Variants in GABRB3 observed in about 807,000 individuals in gnomAD.
The protein encoded by GABRB3 is gamma-aminobutyric acid type A receptor subunit beta3.
GABRB3 carries 14 observed loss-of-function variants against 52.1 expected under a neutral mutation model. The observed-to-expected ratio is 0.27, with a 90% CI of 0.18 to 0.42. The LOEUF (loss-of-function observed/expected upper bound fraction) is 0.42. Among genes scored for constraint, GABRB3 ranks in the 10% least tolerant of loss-of-function variants. The pLI is 1.00. For synonymous variants in GABRB3, 260 were observed against 232.3 expected (o/e 1.12, Z -1.08); for missense variants, 307 against 609.1 (o/e 0.50, Z 5.22).
chr15:26,716,669 T>C (rs1889476259), intron 3 of GABRB3: 1 of 1,006,666 alleles, frequency 9.9e-7, no homozygotes, highest in Non-Finnish European at 1.2e-6. Context: ...CTCTTCTATT[T>C]CTTTAAGAAT....
At chr15:26,651,087 C>A (rs1887183189) in intron 3 of GABRB3, among the ~76,000 whole-genome samples, 2 of 152,232 alleles carry the variant, frequency 1.3e-5, no homozygotes. Context: ...GCCCTTTGCC[C>A]TCACTGACAG....
intron 3 of GABRB3, among the ~76,000 whole-genome samples, chr15:26,650,510 C>G (rs1373737503): frequency 6.6e-6 from 1 of 152,024 alleles, no homozygotes. Flanking sequence ...TTGATAGCAA[C>G]AGGAGGCAGC....
intron 3 of GABRB3, among the ~76,000 whole-genome samples, chr15:26,736,665 G>A (rs1014286561): frequency 1.3e-5 from 2 of 152,250 alleles, no homozygotes; most frequent in African/African-American, 4.8e-5. Flanking sequence ...GGTGCTGCAG[G>A]ACAGTGGATC....
chr15:26,740,446 A>G (rs1362585220), intron 3 of GABRB3, among the ~76,000 whole-genome samples: 1 of 152,044 alleles, frequency 6.6e-6, no homozygotes, highest in African/African-American at 2.4e-5. Flanking sequence ...CGCTGCAGTG[A>G]GGACCTGGGG....
intron 3 of GABRB3, among the ~76,000 whole-genome samples, chr15:26,710,707 AAT>A (rs1440572796): frequency 6.6e-6 from 1 of 152,192 alleles, no homozygotes; most frequent in African/African-American, 2.4e-5. Flanking sequence ...AATGCTTCCT[AAT>A]ACTTAGTATT....
intron 3 of GABRB3, among the ~76,000 whole-genome samples, chr15:26,683,821 A>G (rs74004643): frequency 0.015 from 2,325 of 152,266 alleles, 62 homozygotes; most frequent in African/African-American, 0.053. Flanking sequence ...TGGCTTGTGG[A>G]AAAGGAAAGA....
intron 3 of GABRB3, among the ~76,000 whole-genome samples, chr15:26,704,826 A>G (rs555149519): frequency 2.6e-4 from 40 of 152,240 alleles, no homozygotes; most frequent in Admixed American, 1.0e-3. Context: ...CAAAATAATC[A>G]TCACTGCCAA....
intron 4 of GABRB3, chr15:26,615,643 G>T: frequency 1.5e-6 from 1 of 660,608 alleles, no homozygotes; most frequent in Non-Finnish European, 2.0e-6. Context: ...ACAAACCTAC[G>T]TCACGGACAG....
chr15:26,721,314 A>G (rs751399931), intron 3 of GABRB3, among the ~76,000 whole-genome samples: 1 of 152,168 alleles, frequency 6.6e-6, no homozygotes, highest in Non-Finnish European at 1.5e-5. Context: ...GGAAACTTGC[A>G]TCTAAGAAGG....
intron 3 of GABRB3, among the ~76,000 whole-genome samples, chr15:26,654,841 C>T (rs1195352499): frequency 1.3e-5 from 2 of 151,842 alleles, no homozygotes; most frequent in Non-Finnish European, 2.9e-5. Flanking sequence ...TTTAGTTTTG[C>T]CTTTTTTGGA....
chr15:26,593,838 G>A (rs1395518668), intron 4 of GABRB3, among the ~76,000 whole-genome samples: 2 of 151,438 alleles, frequency 1.3e-5, no homozygotes, highest in Non-Finnish European at 2.9e-5. Context: ...TGGAATTGTG[G>A]ATCATATGTT....
chr15:26,634,233 A>C lies in GABRB3; in HGVS notation c.241-12699T>G, dbSNP rs140088262. Reference sequence around the variant, plus strand: ...CCTGGGATTTGGATGCATTGATCCCACTGCCTTCTGAACCTTTCCATCCAG... The same window carrying C: ...CCTGGGATTTGGATGCATTGATCCCCCTGCCTTCTGAACCTTTCCATCCAG... On this transcript the variant is annotated intron_variant, in intron 3 of 8. Transcript: ENST00000311550. 5.3e-3 allele frequency among the ~76,000 whole-genome samples: 812 copies of C among 152,176 alleles called. 5 individuals are homozygous for C. Among genetic ancestry groups the C allele is most frequent in the African/African-American group, 0.018 (756 of 41,520 alleles).
intron 3 of GABRB3, among the ~76,000 whole-genome samples, chr15:26,630,716 C>A (rs17560911): frequency 2.0e-5 from 3 of 152,000 alleles, no homozygotes; most frequent in Non-Finnish European, 2.9e-5. Context: ...TCATAAAGCC[C>A]TTTGATAATC....
chr15:26,689,467 A>G (rs1457721454), intron 3 of GABRB3, among the ~76,000 whole-genome samples: 1 of 152,192 alleles, frequency 6.6e-6, no homozygotes, highest in Admixed American at 6.5e-5. Context: ...GAGGTGGTCA[A>G]GTAAACATGT....
chr15:26,677,803 T>C (rs1173830948), intron 3 of GABRB3, among the ~76,000 whole-genome samples: 1 of 152,184 alleles, frequency 6.6e-6, no homozygotes, highest in African/African-American at 2.4e-5. Flanking sequence ...GTTTAAGGGC[T>C]ATCATGAAGT....
chr15:26,634,547 G>T (rs1026878357), intron 3 of GABRB3, among the ~76,000 whole-genome samples: 2 of 152,110 alleles, frequency 1.3e-5, no homozygotes, highest in Non-Finnish European at 2.9e-5. Flanking sequence ...TAGAGGATGA[G>T]TGCCTAGACT....
At chr15:26,697,348 A>G (rs1888774298) in intron 3 of GABRB3, among the ~76,000 whole-genome samples, 1 of 152,196 alleles carries the variant, frequency 6.6e-6, no homozygotes, top group Non-Finnish European at 1.5e-5. Context: ...TAAAAAAGTA[A>G]ATTACTAGAT....
chr15:26,741,051 T>A (rs202056169), intron 3 of GABRB3, among the ~76,000 whole-genome samples: 18,911 of 57,058 alleles, frequency 0.33, 1,605 homozygotes, highest in East Asian at 0.56. Context: ...AATAAGTGTG[T>A]GTGTGTGTGT....
chr15:26,741,239 C>A (rs1890200084), intron 3 of GABRB3, among the ~76,000 whole-genome samples: 1 of 152,144 alleles, frequency 6.6e-6, no homozygotes, highest in Non-Finnish European at 1.5e-5. Flanking sequence ...AGTTCCCCAT[C>A]ATATGATGAA....
Sources: gnomAD v4.1 joint callset for allele counts (sites outside exome capture counted in the v4.1 genomes callset) on GRCh38, gnomAD v4.1.1 for gene constraint, MANE v1.5 for transcripts, NCBI Gene and HGNC (gene_info 2026-07-23, HGNC 2026-07-21) for gene names.